Variants in DRG1 observed in about 807,000 individuals in gnomAD.
The protein encoded by DRG1 is developmentally-regulated GTP-binding protein 1.
DRG1 carries 19 observed loss-of-function variants against 38.8 expected under a neutral mutation model. That is an observed-to-expected ratio of 0.49 (90% CI 0.34 to 0.72). The LOEUF is 0.72. Ranked by LOEUF, DRG1 falls within the 30% of genes least tolerant of loss-of-function variation. DRG1 has a pLI of 0.01. For synonymous variants in DRG1, 167 were observed against 157.5 expected (o/e 1.06, Z -0.45); for missense variants, 299 against 444.8 (o/e 0.67, Z 2.95).
At position 31,426,919 on chromosome 22, in the gene DRG1, C is replaced by T; in HGVS notation, c.881+137C>T. 3.4e-6 allele frequency: 5 copies of T among 1,483,982 alleles called. No homozygotes were observed. The South Asian group carries it at 6.6e-5, about 20-fold the overall frequency. The allele number at this position is 1,483,982 out of a possible 1,614,324, so 91.9% of individuals were successfully genotyped here. ...AATTGGTTCCTATTATCTACTAGGT[C>T]ATTAGGTCATATTGAGGACACTTTT... On this transcript the variant is annotated intron_variant, in intron 7 of 8. Coordinates refer to ENST00000331457, the MANE Select transcript of DRG1 (RefSeq NM_004147.4).
rs899011488 is a variant in DRG1 at position 31,426,931 on chromosome 22, T to C, written c.882-129T>C. On this transcript the variant is annotated intron_variant, in intron 7 of 8. Coordinates refer to ENST00000331457, the MANE Select transcript of DRG1 (RefSeq NM_004147.4). ...TTATCTACTAGGTCATTAGGTCATATTGAGGACACTTTTTCCCTTAAGTTG... is the reference window on the plus strand; with the variant it reads ...TTATCTACTAGGTCATTAGGTCATACTGAGGACACTTTTTCCCTTAAGTTG... 5.3e-6 allele frequency: 8 copies of C among 1,497,574 alleles called. No homozygotes were observed. The African/African-American group carries it at 7.0e-5, about 13-fold the overall frequency. The allele number at this position is 1,497,574 out of a possible 1,614,324, so 92.8% of individuals were successfully genotyped here.
chr22:31,420,521 C>T, intron 5 of DRG1, 96 bp downstream of exon 5: 3 of 1,430,788 alleles, frequency 2.1e-6, no homozygotes, highest in Non-Finnish European at 2.9e-6. Context: ...AATTTCCTGG[C>T]TTTTCCCTGC....
intron 4 of DRG1, among the ~76,000 whole-genome samples, chr22:31,419,340 C>A (rs879879025): frequency 5.3e-5 from 8 of 150,782 alleles, no homozygotes; most frequent in African/African-American, 1.5e-4. Flanking sequence ...ATAAGATATG[C>A]AGGCACAAAA....
At chr22:31,404,829 TGC>T (rs2049980935) in intron 3 of DRG1, among the ~76,000 whole-genome samples, 1 of 151,938 alleles carries the variant, frequency 6.6e-6, no homozygotes, top group East Asian at 1.9e-4. Flanking sequence ...TCACCATGTT[TGC>T]CAGGCTGGTT....
chr22:31,411,601 C>T (rs2050018521), intron 4 of DRG1, among the ~76,000 whole-genome samples: 1 of 147,552 alleles, frequency 6.8e-6, no homozygotes, highest in Non-Finnish European at 1.5e-5. Flanking sequence ...AGAATCTTGG[C>T]TCACTGCAAC....
chr22:31,403,133 G>T lies in DRG1; in HGVS notation c.271G>T (p.Val91Leu), dbSNP rs1167318701. Residue 91 changes from valine (V) to leucine (L), a missense_variant, in exon 3 of 9, where the codon GTG becomes TTG. By Grantham distance (32) the Val-to-Leu change is conservative. Around this residue, in one of 3 missense-constraint regions of DRG1, gnomAD observed 50 missense variants for 120.6 expected, o/e 0.41. Transcript: ENST00000331457. ...LSNLAGVYSE[V>L]AAYEFTTLTT... ...TAACCTGGCAGGGGTATATTCTGAGGTGGCAGCCTATGAATTCACTACTCT... is the reference window on the plus strand; with the variant it reads ...TAACCTGGCAGGGGTATATTCTGAGTTGGCAGCCTATGAATTCACTACTCT... 6.2e-7 allele frequency: 1 copy of T among 1,613,954 alleles called. No individual in the cohort carries two copies. The highest frequency in any genetic ancestry group is 8.5e-7 in the Non-Finnish European group (1 of 1,180,024).
intron 8 of DRG1, among the ~76,000 whole-genome samples, chr22:31,431,228 G>T (rs1392853507): frequency 1.3e-5 from 2 of 151,632 alleles, no homozygotes; most frequent in Non-Finnish European, 2.9e-5. Flanking sequence ...TAGAGACGGG[G>T]TTTCACCATG....
intron 4 of DRG1, 92 bp downstream of exon 4, chr22:31,411,173 C>A: frequency 7.4e-7 from 1 of 1,352,012 alleles, no homozygotes; most frequent in Non-Finnish European, 1.0e-6. Flanking sequence ...GAGATTATAC[C>A]ACAGTGAAGG....
At chr22:31,419,032 C>T (rs973170312) in intron 4 of DRG1, among the ~76,000 whole-genome samples, 2 of 152,088 alleles carry the variant, frequency 1.3e-5, no homozygotes, top group African/African-American at 4.8e-5. Context: ...CCAGGCTGGT[C>T]TCAAGCTCCT....
chr22:31,411,530 C>CTTTTTTTTTT (rs71319191), intron 4 of DRG1, among the ~76,000 whole-genome samples: 2 of 129,808 alleles, frequency 1.5e-5, no homozygotes, highest in Non-Finnish European at 1.6e-5. Flanking sequence ...TCTGTCTTTT[C>CTTTTTTTTTT]TTTTTTTTTT....
rs534437242 is a variant in DRG1, at chr22:31,429,142, T to TA, written c.1004+1961dup. On this transcript the variant is annotated intron_variant, in intron 8 of 8. Transcript: ENST00000331457. Reference sequence around the variant, plus strand: ...GAGGCTTGTTTGTGACATTTATGGCTATGGTGTTTACCTAGCCATAGGCTG... The same window carrying TA: ...GAGGCTTGTTTGTGACATTTATGGCTAATGGTGTTTACCTAGCCATAGGCTG... Among the ~76,000 whole-genome samples the TA allele has an allele frequency of 2.5e-3, 384 of 152,258 alleles. 2 individuals carry two copies. The highest frequency in any genetic ancestry group is 8.6e-3 in the African/African-American group (357 of 41,554).
chr22:31,400,550 A>T, intron 1 of DRG1, 70 bp from the exon 2 acceptor site: 1 of 1,581,044 alleles, frequency 6.3e-7, no homozygotes, highest in Non-Finnish European at 8.6e-7. Flanking sequence ...TTGGGGAAAA[A>T]AATTATCCTC....
At chr22:31,400,557 CCT>C in intron 1 of DRG1, 61 bp from the exon 2 acceptor site, 1 of 1,582,878 alleles carries the variant, frequency 6.3e-7, no homozygotes. Flanking sequence ...AAAAAATTAT[CCT>C]CTCAAAGCTG....
rs144684644 is a variant in DRG1 at position 31,433,716 on chromosome 22, T to C, written c.1005-156T>C. On this transcript the variant is annotated intron_variant, in intron 8 of 8. Transcript: ENST00000331457. ...TCTTTACCGGCTTTTATGTTAAGGC[T>C]TCAGTGTCTCATGCTGCTAGGGAAG... is the stretch of plus-strand genomic sequence containing the variant. Among the ~76,000 whole-genome samples, 71 of 152,322 alleles carry C rather than the reference T, an allele frequency of 4.7e-4. 3 individuals carry two copies. Among genetic ancestry groups the C allele is most frequent in the African/African-American group, 1.6e-3 (65 of 41,558 alleles).
intron 4 of DRG1, among the ~76,000 whole-genome samples, chr22:31,418,051 C>G (rs144160000): frequency 0.011 from 1,595 of 151,642 alleles, 10 homozygotes; most frequent in Middle Eastern, 0.024. Flanking sequence ...AATCCCAACA[C>G]TTTGGGAGGC....
intron 3 of DRG1, among the ~76,000 whole-genome samples, chr22:31,407,503 TTTTTTA>T (rs2049995156): frequency 6.6e-6 from 1 of 151,912 alleles, no homozygotes; most frequent in African/African-American, 2.4e-5. Context: ...GCCTGACTAA[TTTTTTA>T]TTTTTTTGTA....
chr22:31,424,977 A>G (rs2050101781), intron 6 of DRG1, among the ~76,000 whole-genome samples: 1 of 149,006 alleles, frequency 6.7e-6, no homozygotes, highest in Non-Finnish European at 1.5e-5. Context: ...TAATTTTTGT[A>G]TTTTTAGTAG....
chr22:31,432,456 G>A (rs2050144964), intron 8 of DRG1, among the ~76,000 whole-genome samples: 1 of 145,036 alleles, frequency 6.9e-6, no homozygotes, highest in Admixed American at 6.8e-5. Flanking sequence ...GACTGAGAGA[G>A]ACTCAGTCGC....
chr22:31,429,224 T>C (rs1156936494), intron 8 of DRG1, among the ~76,000 whole-genome samples: 1 of 151,998 alleles, frequency 6.6e-6, no homozygotes, highest in East Asian at 1.9e-4. Flanking sequence ...GTTCAAGCAA[T>C]TCTTCTGCCT....
Sources: allele counts gnomAD v4.1 joint callset (sites outside exome capture counted in the v4.1 genomes callset), GRCh38; gene constraint gnomAD v4.1.1; regional missense constraint gnomAD v4.1.1; transcripts MANE v1.5; gene names NCBI Gene and HGNC (gene_info 2026-07-23, HGNC 2026-07-21).